Variants in CCDC33 observed in about 807,000 individuals in gnomAD.
CCDC33 encodes coiled-coil domain containing 33.
A neutral mutation model predicts 91.9 loss-of-function variants in CCDC33; 94 were observed. That is an observed-to-expected ratio of 1.02 (90% confidence interval 0.87 to 1.21). CCDC33 has a LOEUF of 1.21. Ranked by LOEUF, CCDC33 falls within the 50% of genes most tolerant of loss-of-function variation. The probability of loss-of-function intolerance (pLI) is 0.00; values close to 1 mark genes in which losing one functional copy is unlikely to be tolerated. For missense variants in CCDC33, 940 were observed against 935.5 expected (o/e 1.00, Z -0.06); for synonymous variants, 396 against 374.5 (o/e 1.06, Z -0.66).
At chr15:74,274,279 G>T (rs187031358) in intron 7 of CCDC33, among the ~76,000 whole-genome samples, 2 of 152,212 alleles carry the variant, frequency 1.3e-5, no homozygotes, top group Non-Finnish European at 2.9e-5. Context: ...GCGGGTGCAC[G>T]CACAGAACAT....
chr15:74,254,744 CTTTTTTT>C, intron 2 of CCDC33, among the ~76,000 whole-genome samples: 1 of 126,406 alleles, frequency 7.9e-6, no homozygotes, highest in Non-Finnish European at 1.6e-5. Flanking sequence ...TACCCTCCTT[CTTTTTTT>C]TTTTTTTTTT....
intron 1 of CCDC33, among the ~76,000 whole-genome samples, chr15:74,207,539 G>C (rs1190193523): frequency 6.6e-6 from 1 of 152,178 alleles, no homozygotes; most frequent in Non-Finnish European, 1.5e-5. Context: ...GACCCCCGTT[G>C]CTCTCCACCC....
chr15:74,334,508 G>A (rs903777972), intron 17 of CCDC33, among the ~76,000 whole-genome samples: 1 of 144,776 alleles, frequency 6.9e-6, no homozygotes, highest in Admixed American at 6.6e-5. Flanking sequence ...CCAGGGTCAG[G>A]GTTCAGTGTG....
chr15:74,266,676 A>G lies in CCDC33; in HGVS notation c.320-2A>G, dbSNP rs1459589449. ...ACCTGGGCTCATTTTTTCTCTTTCC[A>G]GATGTGATCCTCAAGGTGGTGGACA... is the stretch of plus-strand genomic sequence containing the variant. On this transcript the variant is annotated splice_acceptor_variant, in intron 3 of 18. Transcript: ENST00000398814. LOFTEE classifies it high-confidence loss of function. The G allele has an allele frequency of 2.5e-6, 4 of 1,610,148 alleles. No homozygotes were observed. The highest frequency in any genetic ancestry group is 3.4e-6 in the Non-Finnish European group (4 of 1,176,408).
intron 2 of CCDC33, among the ~76,000 whole-genome samples, chr15:74,260,081 G>C (rs1040699804): frequency 4.6e-5 from 7 of 152,238 alleles, no homozygotes; most frequent in African/African-American, 1.7e-4. Context: ...TGGCTGGGTA[G>C]CACAGGGAGG....
intron 2 of CCDC33, among the ~76,000 whole-genome samples, chr15:74,251,489 C>T (rs565115228): frequency 6.6e-6 from 1 of 152,362 alleles, no homozygotes; most frequent in South Asian, 2.1e-4. Context: ...TGGCCAAAGG[C>T]TGCATGTCAG....
intron 2 of CCDC33, among the ~76,000 whole-genome samples, chr15:74,219,432 G>A (rs1052874571): frequency 2.0e-5 from 3 of 152,210 alleles, no homozygotes; most frequent in Non-Finnish European, 2.9e-5. Context: ...TGGAGAAACA[G>A]GCCCAAGGTA....
chr15:74,271,671 T>C, intron 5 of CCDC33, 32 bp from the exon 6 acceptor site: 1 of 1,562,396 alleles, frequency 6.4e-7, no homozygotes, highest in Non-Finnish European at 8.8e-7. Flanking sequence ...GGCCACATGG[T>C]GTTCACCTGC....
chr15:74,297,528 ACAAAAAATT>A (rs1453262714), intron 11 of CCDC33, among the ~76,000 whole-genome samples: 1 of 152,160 alleles, frequency 6.6e-6, no homozygotes, highest in Non-Finnish European at 1.5e-5. Context: ...TCCTATCTCT[ACAAAAAATT>A]CAAAAAATTA....
chr15:74,227,443 G>A (rs1048205553), intron 2 of CCDC33, among the ~76,000 whole-genome samples: 3 of 152,162 alleles, frequency 2.0e-5, no homozygotes, highest in Admixed American at 6.5e-5. Context: ...TTTCTTCCTG[G>A]TGGCCCCAAA....
At chr15:74,225,000 G>A (rs752631) in intron 2 of CCDC33, among the ~76,000 whole-genome samples, 1,847 of 152,246 alleles carry the variant, frequency 0.012, 30 homozygotes, top group Non-Finnish European at 0.017. Flanking sequence ...AGTCTGGGAA[G>A]AGCCTCCATT....
chr15:74,225,392 C>A (rs1475896600), intron 2 of CCDC33, among the ~76,000 whole-genome samples: 3 of 151,860 alleles, frequency 2.0e-5, no homozygotes, highest in African/African-American at 7.3e-5. Flanking sequence ...CGGATGTGCC[C>A]CCAACTCCTG....
At chr15:74,295,191 G>A (rs559887444) in intron 10 of CCDC33, among the ~76,000 whole-genome samples, 3 of 152,358 alleles carry the variant, frequency 2.0e-5, no homozygotes, top group Admixed American at 6.5e-5. Flanking sequence ...CACCAAAAAT[G>A]TATTGAGTGC....
chr15:74,240,609 T>TTTG lies in CCDC33; in HGVS notation c.22-3363_22-3361dup, dbSNP rs1391998116. On this transcript the variant is annotated intron_variant, in intron 1 of 18. Transcript: ENST00000398814. The stretch of plus-strand genomic sequence containing the variant: ...GCTGAGCTGAAACCTAGGTCTTTTT[T>TTTG]TTGTTGTTGTTGTTGGAGTCTCACT... Among the ~76,000 whole-genome samples the TTTG allele has an allele frequency of 1.0e-3, 154 of 151,984 alleles. 1 individual carries two copies. Among genetic ancestry groups the TTTG allele is most frequent in the Admixed American group, 9.4e-3 (143 of 15,256 alleles).
In CCDC33 at chr15:74,218,734, G is replaced by T; in HGVS notation, c.548G>T (p.Ser183Ile). Residue 183 changes from serine to isoleucine, a missense_variant, in exon 2 of 3, where the codon AGC (serine) becomes ATC (isoleucine). Ser to Ile is a moderately radical substitution (Grantham distance 142, BLOSUM62 -2). Transcript: ENST00000635913. This position sits in a 1 kb window ranked among gnomAD's most constrained non-coding sequence, Gnocchi z 4.8. Reference sequence around the variant, plus strand: ...GACCCCACAGCCCGACACTGTGGGAGCCTGGCCTACAGTGTGGCCTTCCAC... The same window carrying T: ...GACCCCACAGCCCGACACTGTGGGATCCTGGCCTACAGTGTGGCCTTCCAC... 1 of 1,289,866 alleles carries T rather than the reference G, an allele frequency of 7.8e-7. No individual in the cohort carries two copies. Among genetic ancestry groups the T allele is most frequent in the Non-Finnish European group, 1.0e-6 (1 of 988,884 alleles). 79.9% of individuals were successfully genotyped at this position (1,289,866 alleles called of 1,614,324 possible).
chr15:74,281,923 C>T, intron 10 of CCDC33, 74 bp downstream of exon 10: 1 of 1,370,500 alleles, frequency 7.3e-7, no homozygotes, highest in Non-Finnish European at 1.0e-6. Flanking sequence ...TTCACAATTG[C>T]TGGCTTTGTT....
chr15:74,258,203 C>T (rs2075923696), intron 2 of CCDC33, among the ~76,000 whole-genome samples: 1 of 152,184 alleles, frequency 6.6e-6, no homozygotes, highest in African/African-American at 2.4e-5. Flanking sequence ...CCACTATTCC[C>T]AGTGCCTGCC....
intron 11 of CCDC33, among the ~76,000 whole-genome samples, chr15:74,309,453 A>C (rs147741209): frequency 3.1e-4 from 47 of 152,276 alleles, no homozygotes; most frequent in African/African-American, 1.1e-3. Context: ...TGGATCACAG[A>C]GGTGTTTACC....
intron 2 of CCDC33, among the ~76,000 whole-genome samples, chr15:74,257,888 G>A (rs1011296626): frequency 4.6e-5 from 7 of 152,218 alleles, no homozygotes; most frequent in Non-Finnish European, 1.0e-4. Flanking sequence ...TTCCAGGAGT[G>A]GAGGCAGGCC....
Sources: gnomAD v4.1 joint callset for allele counts (sites outside exome capture counted in the v4.1 genomes callset) on GRCh38, gnomAD v4.1.1 for gene constraint, Gnocchi (gnomAD v3.1) non-coding constraint, MANE v1.5 for transcripts, NCBI Gene and HGNC (gene_info 2026-07-23, HGNC 2026-07-21) for gene names.